The following GPM6A variants were observed in gnomAD, a reference collection of about 807,000 sequenced individuals.
GPM6A encodes glycoprotein M6A, also known as neuronal membrane glycoprotein M6-a.
GPM6A carries 7 observed loss-of-function variants against 32.1 expected under a neutral mutation model. The observed-to-expected ratio is 0.22, with a 90% confidence interval of 0.12 to 0.41. The LOEUF (loss-of-function observed/expected upper bound fraction) is 0.41, where lower values mean the gene tolerates loss of function less well. Ranked by LOEUF, GPM6A falls within the 10% of genes least tolerant of loss-of-function variation. The probability of loss-of-function intolerance (pLI) is 1.00; values close to 1 mark genes in which losing one functional copy is unlikely to be tolerated. For missense variants in GPM6A, 235 were observed against 347.2 expected (o/e 0.68, Z 2.57); for synonymous variants, 130 against 123.4 (o/e 1.05, Z -0.35).
At chr4:175,661,890 A>G (rs773159574) in intron 3 of GPM6A, among the ~76,000 whole-genome samples, 2 of 151,362 alleles carry the variant, frequency 1.3e-5, no homozygotes, top group African/African-American at 2.5e-5. Flanking sequence ...ACGTGTGTCA[A>G]TCTGCTGAGA....
intron 1 of GPM6A, among the ~76,000 whole-genome samples, chr4:175,822,696 T>C (rs1735315243): frequency 6.6e-6 from 1 of 151,626 alleles, no homozygotes; most frequent in South Asian, 2.1e-4. Flanking sequence ...AGTTCTGGGA[T>C]ACATGTGCAG....
intron 1 of GPM6A, among the ~76,000 whole-genome samples, chr4:175,798,951 A>C (rs1344576312): frequency 1.3e-5 from 2 of 152,238 alleles, no homozygotes; most frequent in Non-Finnish European, 2.9e-5. Flanking sequence ...TGCACATGAA[A>C]GCAAAAGGAA....
chr4:176,000,452 T>A (rs1741442520), intron 1 of GPM6A, among the ~76,000 whole-genome samples: 1 of 152,134 alleles, frequency 6.6e-6, no homozygotes, highest in Non-Finnish European at 1.5e-5. Flanking sequence ...TGAAGCAAAA[T>A]CCAGGACAAA....
intron 1 of GPM6A, among the ~76,000 whole-genome samples, chr4:175,771,551 CAA>C (rs889739577): frequency 3.5e-4 from 23 of 66,582 alleles, no homozygotes; most frequent in African/African-American, 8.2e-4. Flanking sequence ...GACTCTGTCT[CAA>C]AAAAAAAAAA....
chr4:175,643,026 T>C (rs1378836333), intron 4 of GPM6A, among the ~76,000 whole-genome samples: 2 of 152,106 alleles, frequency 1.3e-5, no homozygotes, highest in Admixed American at 6.5e-5. Flanking sequence ...TTCTCTTTTT[T>C]CCCCCGCAAA....
chr4:175,694,005 T>C (rs1194874484), intron 2 of GPM6A, among the ~76,000 whole-genome samples: 1 of 152,172 alleles, frequency 6.6e-6, no homozygotes, highest in Non-Finnish European at 1.5e-5. Flanking sequence ...GCTCCTGCTC[T>C]GGCCGTGTAA....
At chr4:175,961,216 C>A (rs994120084) in intron 1 of GPM6A, 8 of 152,098 alleles carry the variant, frequency 5.3e-5, no homozygotes, top group African/African-American at 1.9e-4. Flanking sequence ...TGCAAATTTT[C>A]AAAATGCTTA....
chr4:175,754,075 C>A (rs1257820971), intron 1 of GPM6A, among the ~76,000 whole-genome samples: 1 of 152,092 alleles, frequency 6.6e-6, no homozygotes, highest in Non-Finnish European at 1.5e-5. Flanking sequence ...AAAAGTATTA[C>A]CAAATCACTA....
Position 175,915,526 on chromosome 4 carries a change from G to A in GPM6A, c.-23+86783C>T, listed in dbSNP as rs371248343. ...TCATCATCTTGGCCAAGCTGGTCTCGAACTCCTGACCTCAAGGTGATCTGC... is the reference window on the plus strand; with the variant it reads ...TCATCATCTTGGCCAAGCTGGTCTCAAACTCCTGACCTCAAGGTGATCTGC... On this transcript the variant is annotated intron_variant, in intron 1 of 7. Coordinates refer to the GPM6A transcript ENST00000280187. 6.6e-5 allele frequency among the ~76,000 whole-genome samples: 10 copies of A among 152,060 alleles called. No homozygotes were observed. The East Asian group carries it at 1.7e-3, about 26-fold the overall frequency.
In GPM6A at chr4:175,756,073, G is replaced by T. The variant is rs563335664; in HGVS notation, c.38-54306C>A. On this transcript the variant is annotated intron_variant, in intron 1 of 6. Coordinates refer to ENST00000393658, the MANE Select transcript of GPM6A (RefSeq NM_201591.3). ...TGATCATATCACTATAGGAGCTAAG[G>T]TCTGATGTGTTAGGAATTTCAAGTT... Among the ~76,000 whole-genome samples the T allele has an allele frequency of 5.3e-5, 8 of 152,228 alleles. No homozygotes were observed. In the East Asian group the frequency reaches 1.2e-3, roughly 22 times the overall value.
intron 2 of GPM6A, among the ~76,000 whole-genome samples, chr4:175,690,977 C>A (rs1219587497): frequency 6.6e-6 from 1 of 152,114 alleles, no homozygotes; most frequent in African/African-American, 2.4e-5. Context: ...TTCCAAAATC[C>A]ATTTCAAAAT....
At chr4:175,838,903 T>A (rs879863030) in intron 1 of GPM6A, among the ~76,000 whole-genome samples, 1 of 151,912 alleles carries the variant, frequency 6.6e-6, no homozygotes, top group Non-Finnish European at 1.5e-5. Flanking sequence ...GATCCTGACC[T>A]CAGGCCCACC....
chr4:175,812,655 T>G, upstream of GPM6A: 1 of 988,222 alleles, frequency 1.0e-6, no homozygotes, highest in South Asian at 4.7e-5. Context: ...AATCTGGGCT[T>G]TAAATTGGAA....
chr4:175,671,994 A>AG (rs1553971697), intron 3 of GPM6A, among the ~76,000 whole-genome samples: 4 of 147,252 alleles, frequency 2.7e-5, no homozygotes, highest in Non-Finnish European at 4.5e-5. Context: ...GAAAAAAAAA[A>AG]AAAGAAAGAA....
chr4:175,940,818 A>G (rs1739382711), intron 1 of GPM6A, among the ~76,000 whole-genome samples: 1 of 152,184 alleles, frequency 6.6e-6, no homozygotes, highest in African/African-American at 2.4e-5. Flanking sequence ...CATGTTGGCC[A>G]GGCTAGTCTC....
chr4:175,637,357 A>T (rs1344628816), intron 6 of GPM6A, among the ~76,000 whole-genome samples: 15 of 64,148 alleles, frequency 2.3e-4, no homozygotes, highest in African/African-American at 9.6e-4. Context: ...AAAAATATAT[A>T]ATATATAACA....
At chr4:175,985,478 TTATTA>T (rs1740946076) in intron 1 of GPM6A, among the ~76,000 whole-genome samples, 1 of 152,208 alleles carries the variant, frequency 6.6e-6, no homozygotes, top group South Asian at 2.1e-4. Flanking sequence ...TAGAATGTCT[TTATTA>T]TATAGACAAG....
chr4:175,835,524 T>C (rs1735737787), intron 1 of GPM6A, among the ~76,000 whole-genome samples: 1 of 151,318 alleles, frequency 6.6e-6, no homozygotes, highest in Non-Finnish European at 1.5e-5. Flanking sequence ...CTGTCCTCCA[T>C]TTCTAACCAC....
intron 1 of GPM6A, among the ~76,000 whole-genome samples, chr4:175,752,916 A>G (rs990652967): frequency 6.6e-6 from 1 of 152,184 alleles, no homozygotes; most frequent in Non-Finnish European, 1.5e-5. Context: ...CGAAAGGAAA[A>G]CGTCATGCTT....
Sources: gnomAD v4.1 joint callset for allele counts (sites outside exome capture counted in the v4.1 genomes callset) on GRCh38, gnomAD v4.1.1 for gene constraint, MANE v1.5 for transcripts, NCBI Gene and HGNC (gene_info 2026-07-23, HGNC 2026-07-21) for gene names.